Variants in GALNT14 observed in about 807,000 individuals in gnomAD.
GALNT14 encodes the protein UDP-GalNAc:polypeptide N-acetylgalactosaminyltransferase 14.
In GALNT14, 60 loss-of-function variants were observed where a neutral mutation model predicts 77.5. The ratio of observed to expected loss-of-function variants is 0.77; its 90% CI spans 0.63 to 0.96. The LOEUF (loss-of-function observed/expected upper bound fraction) is 0.96, where lower values mean the gene tolerates loss of function less well. Among genes scored for constraint, GALNT14 ranks in the 40% least tolerant of loss-of-function variants. The probability of loss-of-function intolerance (pLI) is 0.00; values close to 1 mark genes in which losing one functional copy is unlikely to be tolerated. For synonymous variants in GALNT14, 280 were observed against 281.7 expected (o/e 0.99, Z 0.06); for missense variants, 710 against 731.0 (o/e 0.97, Z 0.33).
intron 11 of GALNT14, among the ~76,000 whole-genome samples, chr2:30,927,737 G>C (rs1665475168): frequency 6.6e-6 from 1 of 152,186 alleles, no homozygotes; most frequent in African/African-American, 2.4e-5. Context: ...GGGTGGACTA[G>C]GGGCTGGGAA....
chr2:30,924,438 C>A, intron 12 of GALNT14, 175 bp from the exon 13 acceptor site: 4 of 677,102 alleles, frequency 5.9e-6, no homozygotes. Flanking sequence ...AGGAAAGACC[C>A]AGGAGCTACA....
intron 1 of GALNT14, among the ~76,000 whole-genome samples, chr2:31,014,077 G>C (rs1671199084): frequency 6.6e-6 from 1 of 152,212 alleles, no homozygotes; most frequent in South Asian, 2.1e-4. Context: ...TTTGGAGGAA[G>C]CTGCTTAACC....
rs58435113 is a variant in GALNT14 at position 31,050,774 on chromosome 2, GTTT to G, written c.130-57770_130-57768del. Among the ~76,000 whole-genome samples, 133 of 108,190 alleles carry G rather than the reference GTTT, an allele frequency of 1.2e-3. 4 individuals carry two copies. The East Asian group carries it at 0.025, about 20-fold the overall frequency. The allele number at this position is 108,190 out of a possible 152,430, so 71.0% of individuals were successfully genotyped here. On this transcript the variant is annotated intron_variant, in intron 1 of 14. Coordinates refer to ENST00000349752, the MANE Select transcript of GALNT14 (RefSeq NM_024572.4). ...ATTATTATAAAGCAAAAAGTTTTTTGTTTTTTTTTTTTTTTCAAATAGCAAATG... is the reference window on the plus strand; with the variant it reads ...ATTATTATAAAGCAAAAAGTTTTTTGTTTTTTTTTTTTCAAATAGCAAATG...
chr2:30,958,394 T>TA lies in GALNT14; in HGVS notation c.466+2dup, dbSNP rs759884275. Reference sequence around the variant, plus strand: ...TAAAGAGCAAGTGAGCAACATGACTTACGGTCATTGCTGAAGTCATCCACT... The same window carrying TA: ...TAAAGAGCAAGTGAGCAACATGACTTAACGGTCATTGCTGAAGTCATCCACT... On this transcript the variant is annotated splice_region_variant and intron_variant, in intron 4 of 14. Transcript: ENST00000349752. The TA allele has an allele frequency of 2.0e-5, 33 of 1,613,274 alleles. No homozygotes were observed. The highest frequency in any genetic ancestry group is 2.6e-5 in the Non-Finnish European group (31 of 1,179,362).
At chr2:30,907,556 T>C (rs1322335168), downstream of GALNT14, among the ~76,000 whole-genome samples, 2 of 152,256 alleles carry the variant, frequency 1.3e-5, no homozygotes, top group South Asian at 4.1e-4. Context: ...TCTGAAACTG[T>C]GGCAATAATC....
chr2:30,921,952 G>C (rs545939924), intron 13 of GALNT14, among the ~76,000 whole-genome samples: 29 of 152,322 alleles, frequency 1.9e-4, no homozygotes, highest in African/African-American at 7.0e-4. Context: ...AGAGTGCTGA[G>C]ATTAAGGAAT....
At chr2:31,046,383 C>A (rs556347474) in intron 1 of GALNT14, among the ~76,000 whole-genome samples, 1 of 152,060 alleles carries the variant, frequency 6.6e-6, no homozygotes, top group South Asian at 2.1e-4. Context: ...CGTGCCACCA[C>A]GCCCAGCTAA....
At chr2:30,989,497 T>A (rs1669521842) in intron 2 of GALNT14, among the ~76,000 whole-genome samples, 1 of 146,184 alleles carries the variant, frequency 6.8e-6, no homozygotes, top group African/African-American at 2.5e-5. Flanking sequence ...CCTACCCACA[T>A]ACCCTGTAAT....
intron 1 of GALNT14, among the ~76,000 whole-genome samples, chr2:31,047,082 A>G (rs6755188): frequency 0.73 from 111,541 of 151,796 alleles, 41,267 homozygotes; most frequent in East Asian, 0.99. Flanking sequence ...CACCTTCCCC[A>G]CAGAACCCTG....
rs1666260679 is a variant in GALNT14 at position 30,939,645 on chromosome 2, A to G, written c.931+2556T>C. Among the ~76,000 whole-genome samples, 3 of 152,278 alleles carry G rather than the reference A, an allele frequency of 2.0e-5. No individual in the cohort carries two copies. The South Asian group carries it at 6.2e-4, about 32-fold the overall frequency. ...TGTGAGAGCTCAGATTCGATAGTAC[A>G]ATAGAGATGGAGGACCACTGAGGAG... On this transcript the variant is annotated intron_variant, in intron 9 of 14. Transcript: ENST00000349752.
At chr2:31,115,153 G>A (rs1678044170) in intron 1 of GALNT14, among the ~76,000 whole-genome samples, 1 of 151,984 alleles carries the variant, frequency 6.6e-6, no homozygotes, top group Admixed American at 6.5e-5. Context: ...GGGAGGTTGA[G>A]GCAGGAAAGA....
At position 30,945,880 on chromosome 2, in the gene GALNT14, A is replaced by T; in HGVS notation, c.655-10T>A. 6.2e-7 allele frequency: 1 copy of T among 1,612,914 alleles called. No homozygotes were observed. The highest frequency in any genetic ancestry group is 1.1e-5 in the South Asian group (1 of 91,062). Reference sequence around the variant, plus strand: ...CCACCCGCGTGTAGTCCTGTAAGACAACAGACCCGCACTTAGCTTATGGAG... The same window carrying T: ...CCACCCGCGTGTAGTCCTGTAAGACTACAGACCCGCACTTAGCTTATGGAG... On this transcript the variant is annotated splice_polypyrimidine_tract_variant and intron_variant, in intron 6 of 14. Coordinates refer to ENST00000349752, the MANE Select transcript of GALNT14 (RefSeq NM_024572.4).
At chr2:31,120,874 C>A (rs1485073214) in intron 1 of GALNT14, among the ~76,000 whole-genome samples, 2 of 152,160 alleles carry the variant, frequency 1.3e-5, no homozygotes, top group African/African-American at 4.8e-5. Context: ...AATTTTGAAT[C>A]CTCTTTGTTT....
intron 6 of GALNT14, among the ~76,000 whole-genome samples, chr2:30,949,552 T>G (rs912261217): frequency 1.3e-5 from 2 of 151,998 alleles, no homozygotes; most frequent in Non-Finnish European, 2.9e-5. Flanking sequence ...AAGTCCCTAC[T>G]CTCCACCCAA....
the GALNT14 span, among the ~76,000 whole-genome samples, chr2:30,900,257 T>TG: frequency 6.6e-6 from 1 of 152,192 alleles, no homozygotes; most frequent in Non-Finnish European, 1.5e-5. Context: ...TTCTGTCTTT[T>TG]GGGGCTCTAC....
At chr2:30,947,448 G>C (rs1201205443) in intron 6 of GALNT14, among the ~76,000 whole-genome samples, 1 of 152,128 alleles carries the variant, frequency 6.6e-6, no homozygotes, top group Non-Finnish European at 1.5e-5. Flanking sequence ...CAGCTTCTTG[G>C]AGCCATCGAG....
chr2:31,072,629 A>T (rs1379688627), intron 1 of GALNT14, among the ~76,000 whole-genome samples: 1 of 152,124 alleles, frequency 6.6e-6, no homozygotes, highest in African/African-American at 2.4e-5. Flanking sequence ...GTCCAATTCC[A>T]AATGTGACAC....
chr2:31,041,538 T>C (rs1573224328), intron 1 of GALNT14, among the ~76,000 whole-genome samples: 2 of 152,224 alleles, frequency 1.3e-5, no homozygotes, highest in Admixed American at 6.5e-5. Flanking sequence ...CTGTCCCTCA[T>C]GGTACATGAG....
chr2:30,888,614 T>C, the GALNT14 span, among the ~76,000 whole-genome samples: 2 of 152,098 alleles, frequency 1.3e-5, no homozygotes. Flanking sequence ...GAGCTCATTG[T>C]TTTCCTAGAT....
Sources: allele counts gnomAD v4.1 joint callset (sites outside exome capture counted in the v4.1 genomes callset), GRCh38; gene constraint gnomAD v4.1.1; transcripts MANE v1.5; gene names NCBI Gene and HGNC (gene_info 2026-07-23, HGNC 2026-07-21).